Variants in LRP1B observed in about 807,000 individuals in gnomAD.
LRP1B encodes the protein low-density lipoprotein receptor-related protein 1B.
LRP1B carries 217 observed loss-of-function variants against 556.6 expected under a neutral mutation model. That is an observed-to-expected ratio of 0.39 (90% CI 0.35 to 0.44). LRP1B has a LOEUF of 0.44. Among genes scored for constraint, LRP1B ranks in the 20% least tolerant of loss-of-function variants. LRP1B has a pLI of 1.00. For synonymous variants in LRP1B, 2,047 were observed against 1,865.8 expected (o/e 1.10, Z -2.50); for missense variants, 5,053 against 5,620.8 (o/e 0.90, Z 3.23).
At chr2:141,843,201 A>C (rs981007416) in intron 1 of LRP1B, among the ~76,000 whole-genome samples, 8 of 152,130 alleles carry the variant, frequency 5.3e-5, no homozygotes, top group African/African-American at 1.9e-4. Context: ...ATGTACTTGA[A>C]ATATCATTGA....
At chr2:141,005,017 T>C (rs1697527695) in intron 15 of LRP1B, among the ~76,000 whole-genome samples, 1 of 152,010 alleles carries the variant, frequency 6.6e-6, no homozygotes, top group East Asian at 1.9e-4. Flanking sequence ...CAACTTACCA[T>C]CTATCTAATC....
intron 3 of LRP1B, among the ~76,000 whole-genome samples, chr2:141,427,266 A>T (rs1439908086): frequency 6.6e-6 from 1 of 152,244 alleles, no homozygotes; most frequent in Non-Finnish European, 1.5e-5. Flanking sequence ...TGAAATATGT[A>T]ATGTATTATA....
chr2:141,554,519 C>T (rs544922015), intron 2 of LRP1B, among the ~76,000 whole-genome samples: 1 of 151,602 alleles, frequency 6.6e-6, no homozygotes, highest in African/African-American at 2.4e-5. Flanking sequence ...TACATTTTTA[C>T]TATAACTTTA....
At chr2:140,991,309 T>A (rs969641702) in intron 16 of LRP1B, among the ~76,000 whole-genome samples, 1 of 152,118 alleles carries the variant, frequency 6.6e-6, no homozygotes, top group Non-Finnish European at 1.5e-5. Context: ...GCCAAAACAC[T>A]GAAGGAATAG....
intron 84 of LRP1B, among the ~76,000 whole-genome samples, chr2:140,296,223 A>G (rs982074354): frequency 6.6e-6 from 1 of 152,164 alleles, no homozygotes; most frequent in Non-Finnish European, 1.5e-5. Flanking sequence ...TAAAAAATAC[A>G]CATAAAATTA....
intron 25 of LRP1B, among the ~76,000 whole-genome samples, chr2:140,881,119 T>C (rs1172292165): frequency 2.6e-5 from 4 of 152,186 alleles, no homozygotes; most frequent in Non-Finnish European, 4.4e-5. Context: ...CTTCCTTATA[T>C]ATTTTATTAA....
intron 75 of LRP1B, among the ~76,000 whole-genome samples, chr2:140,355,972 A>G (rs1682192073): frequency 6.6e-6 from 1 of 151,954 alleles, no homozygotes; most frequent in African/African-American, 2.4e-5. Flanking sequence ...CCAGTATTGC[A>G]AATTCCACAC....
intron 14 of LRP1B, among the ~76,000 whole-genome samples, chr2:141,010,039 T>C (rs1697696385): frequency 6.6e-6 from 1 of 152,042 alleles, no homozygotes; most frequent in Non-Finnish European, 1.5e-5. Flanking sequence ...ATATATGTTG[T>C]GAAAATTAAA....
rs1476752656 is a variant in LRP1B at position 141,254,570 on chromosome 2, A to G, written c.415T>C (p.Tyr139His). 3 of 1,611,800 alleles carry G rather than the reference A, an allele frequency of 1.9e-6. No homozygotes were observed. In the Admixed American group the frequency reaches 5.0e-5, roughly 27 times the overall value. Residue 139 changes from tyrosine to histidine, a missense_variant, in exon 4 of 91, where the codon TAC becomes CAC. Physicochemically the swap from Tyr to His is moderately conservative, Grantham distance 83 (BLOSUM62 2). Transcript: ENST00000389484. ...CTMVRNSTRC[Y>H]CEDGFEITED... ...GTTATTTCGAATCCATCCTCACAGT[A>G]ACATCTTGTACTATTTCTGACCATT...
chr2:140,786,505 T>C (rs1212768114), intron 32 of LRP1B, among the ~76,000 whole-genome samples: 1 of 152,208 alleles, frequency 6.6e-6, no homozygotes, highest in Non-Finnish European at 1.5e-5. Context: ...TTCTCTTCTG[T>C]GTGGGAGCAG....
chr2:141,050,069 T>G (rs1187728083), intron 10 of LRP1B, among the ~76,000 whole-genome samples: 1 of 151,896 alleles, frequency 6.6e-6, no homozygotes, highest in Non-Finnish European at 1.5e-5. Context: ...ATAGTTTTTA[T>G]ATACAAGGAA....
At chr2:141,654,827 A>G (rs761458474) in intron 2 of LRP1B, among the ~76,000 whole-genome samples, 3 of 152,116 alleles carry the variant, frequency 2.0e-5, no homozygotes, top group African/African-American at 7.2e-5. Context: ...GTTCCCATCT[A>G]CACACAGCCA....
At chr2:141,101,690 T>C (rs774247812) in intron 7 of LRP1B, among the ~76,000 whole-genome samples, 34 of 152,284 alleles carry the variant, frequency 2.2e-4, no homozygotes, top group Non-Finnish European at 4.6e-4. Flanking sequence ...TTTTTTCTTA[T>C]ATTAGCCTTT....
chr2:141,997,131 G>A (rs1702513839), intron 1 of LRP1B, among the ~76,000 whole-genome samples: 1 of 152,024 alleles, frequency 6.6e-6, no homozygotes, highest in South Asian at 2.1e-4. Context: ...TCAAATGCCC[G>A]CGAGGCCAAA....
At chr2:141,134,752 G>C (rs988143343) in intron 7 of LRP1B, among the ~76,000 whole-genome samples, 7 of 151,310 alleles carry the variant, frequency 4.6e-5, no homozygotes, top group Admixed American at 2.6e-4. Flanking sequence ...ACAAGGGTGG[G>C]AGAAATAATT....
At chr2:141,878,300 TG>T in intron 1 of LRP1B, among the ~76,000 whole-genome samples, 1 of 151,894 alleles carries the variant, frequency 6.6e-6, no homozygotes, top group African/African-American at 2.4e-5. Flanking sequence ...AGTCTATTTC[TG>T]GGTAAACAAC....
At chr2:140,334,877 A>G (rs948768518) in intron 78 of LRP1B, among the ~76,000 whole-genome samples, 9 of 152,032 alleles carry the variant, frequency 5.9e-5, no homozygotes, top group African/African-American at 1.7e-4. Flanking sequence ...TTTCCACCAC[A>G]TGAAACTCCC....
At chr2:140,794,965 G>T (rs554419048) in intron 32 of LRP1B, among the ~76,000 whole-genome samples, 185 of 152,080 alleles carry the variant, frequency 1.2e-3, no homozygotes, top group African/African-American at 4.3e-3. Context: ...TCCTCTAATG[G>T]AACTATAAGA....
At position 141,826,606 on chromosome 2, in the gene LRP1B, ACCTCAGCCTCCCAAAGTG is replaced by A. The variant is rs1212471014; in HGVS notation, c.83-16223_83-16206del. 2.0e-5 allele frequency among the ~76,000 whole-genome samples: 3 copies of A among 152,112 alleles called. No homozygotes were observed. The East Asian group carries it at 5.8e-4, about 30-fold the overall frequency. On this transcript the variant is annotated intron_variant, in intron 1 of 90. Coordinates refer to ENST00000389484, the MANE Select transcript of LRP1B (RefSeq NM_018557.3). ...CATCTCCTGACCTCGTGATCCGCCC[ACCTCAGCCTCCCAAAGTG>A]CTGGGATTACAGGCAAGAGCCACCA...
Sources: allele counts gnomAD v4.1 joint callset (sites outside exome capture counted in the v4.1 genomes callset), GRCh38; gene constraint gnomAD v4.1.1; transcripts MANE v1.5; gene names NCBI Gene and HGNC (gene_info 2026-07-23, HGNC 2026-07-21).